The following RPRD1A variants were observed in gnomAD, a reference collection of about 807,000 sequenced individuals.
RPRD1A encodes regulation of nuclear pre-mRNA domain-containing protein 1A.
Under a neutral mutation model 37.8 loss-of-function variants are expected in RPRD1A, and 9 were observed. That is an observed-to-expected ratio of 0.24 (90% confidence interval 0.14 to 0.42). The LOEUF (loss-of-function observed/expected upper bound fraction) is 0.42, where lower values mean the gene tolerates loss of function less well. Ranked by LOEUF, RPRD1A falls within the 10% of genes least tolerant of loss-of-function variation. The pLI, the probability that RPRD1A is intolerant of heterozygous loss-of-function variation, is 1.00. For synonymous variants in RPRD1A, 138 were observed against 139.7 expected, an observed-to-expected ratio of 0.99 and a Z score of 0.08; for missense variants, 255 against 371.0, an observed-to-expected ratio of 0.69 and a Z score of 2.57.
At chr18:36,026,462 C>G (rs1261035458) in intron 6 of RPRD1A, 2 of 154,948 alleles carry the variant, frequency 1.3e-5, no homozygotes, top group Non-Finnish European at 2.9e-5. Context: ...GGGGCTGGAA[C>G]ATGTAAGCAT....
intron 6 of RPRD1A, among the ~76,000 whole-genome samples, chr18:36,003,641 T>C (rs1003452423): frequency 6.6e-6 from 1 of 152,194 alleles, no homozygotes; most frequent in Non-Finnish European, 1.5e-5. Flanking sequence ...TTCGTGTGCA[T>C]ATGTGCATTT....
intron 6 of RPRD1A, among the ~76,000 whole-genome samples, chr18:35,997,526 T>G (rs1598591988): frequency 6.6e-6 from 1 of 152,202 alleles, no homozygotes; most frequent in African/African-American, 2.4e-5. Context: ...AGCAATTTCT[T>G]TATATTGATT....
chr18:36,034,126 T>G lies in RPRD1A; in HGVS notation c.152-289A>C, dbSNP rs539858906. Among the ~76,000 whole-genome samples the G allele has an allele frequency of 1.1e-4, 17 of 152,312 alleles. No homozygotes were observed. In the East Asian group the frequency reaches 2.9e-3, roughly 26 times the overall value. ...TAGTCATTTAAAATAAGATGGTGAT[T>G]GCTCATGTTATTAAGATGGCACCCT... On this transcript the variant is annotated intron_variant, in intron 1 of 6. Transcript: ENST00000399022.
intron 1 of RPRD1A, among the ~76,000 whole-genome samples, chr18:36,063,477 A>G (rs919738350): frequency 9.9e-5 from 15 of 152,100 alleles, no homozygotes; most frequent in Admixed American, 3.9e-4. Context: ...TCATTCTTTT[A>G]TTTTAAACAG....
chr18:36,063,178 A>G (rs951547257), intron 1 of RPRD1A: 4 of 152,094 alleles, frequency 2.6e-5, no homozygotes, highest in African/African-American at 7.2e-5. Flanking sequence ...ATTCATTCTT[A>G]TATTTTTTTG....
chr18:36,061,690 T>TA (rs1568155640), intron 1 of RPRD1A, among the ~76,000 whole-genome samples: 1 of 152,206 alleles, frequency 6.6e-6, no homozygotes, highest in Non-Finnish European at 1.5e-5. Context: ...AGGACACTAT[T>TA]AAGAAAGTAA....
chr18:36,028,847 A>G (rs1911563024), intron 4 of RPRD1A, among the ~76,000 whole-genome samples: 1 of 152,234 alleles, frequency 6.6e-6, no homozygotes, highest in Admixed American at 6.5e-5. Context: ...ACAAAGAGCA[A>G]CAGCATTTTA....
At chr18:36,045,662 G>A (rs917981357) in intron 1 of RPRD1A, among the ~76,000 whole-genome samples, 8 of 152,126 alleles carry the variant, frequency 5.3e-5, no homozygotes, top group African/African-American at 1.9e-4. Flanking sequence ...TTAGACATTC[G>A]CAACTTTGCA....
At chr18:35,993,335 G>T (rs757680890) in intron 6 of RPRD1A, 35 bp from the exon 7 acceptor site, 2 of 1,609,296 alleles carry the variant, frequency 1.2e-6, no homozygotes, top group South Asian at 1.1e-5. Flanking sequence ...AGCATTCAGG[G>T]ATTGAAAAAA....
rs560924413 is a variant in RPRD1A, at chr18:35,992,209, C to T, written c.*942G>A. On this transcript the variant is annotated 3_prime_UTR_variant, in exon 7 of 7. Transcript: ENST00000399022. ...CTCAGGCTACTTTACTGAACATTAA[C>T]GAATATTGTGTTCTTGAGCTATTAG... 3.9e-5 allele frequency: 6 copies of T among 152,638 alleles called. No individual in the cohort carries two copies. The East Asian group carries it at 9.6e-4, about 25-fold the overall frequency. The allele number at this position is 152,638 out of a possible 1,614,324, so 9.5% of individuals were successfully genotyped here.
chr18:36,046,994 T>C (rs1913005836), intron 1 of RPRD1A, among the ~76,000 whole-genome samples: 2 of 151,906 alleles, frequency 1.3e-5, no homozygotes, highest in South Asian at 4.2e-4. Flanking sequence ...TAAAATGATC[T>C]TACAAAGACT....
At chr18:36,008,577 G>GTGTGTGTGTGTGTATA in intron 6 of RPRD1A, among the ~76,000 whole-genome samples, 2 of 47,802 alleles carry the variant, frequency 4.2e-5, no homozygotes, top group African/African-American at 6.8e-5. Context: ...CCTTGTGTGT[G>GTGTGTGTGTGTGTATA]TATATATATA....
chr18:36,002,229 C>G lies in RPRD1A; in HGVS notation c.790-8929G>C, dbSNP rs1034302648. On this transcript the variant is annotated intron_variant, in intron 6 of 6. Coordinates refer to ENST00000399022, the MANE Select transcript of RPRD1A (RefSeq NM_018170.5). ...TTCATTCTCTTGCTTTCCAGTATTC[C>G]AAGCCCATGTACATTATACCTTTCC... 6.9e-4 allele frequency among the ~76,000 whole-genome samples: 105 copies of G among 152,118 alleles called. 2 individuals carry two copies. Among genetic ancestry groups the G allele is most frequent in the African/African-American group, 2.4e-3 (101 of 41,414 alleles).
chr18:35,999,322 G>C (rs2144151868), intron 6 of RPRD1A, among the ~76,000 whole-genome samples: 1 of 152,162 alleles, frequency 6.6e-6, no homozygotes, highest in East Asian at 1.9e-4. Context: ...TTAAGTCTCA[G>C]ATGCCTCCTT....
chr18:36,030,170 A>T (rs1440029115), intron 4 of RPRD1A, among the ~76,000 whole-genome samples: 1 of 151,598 alleles, frequency 6.6e-6, no homozygotes. Context: ...TATGTCCAAG[A>T]ATGAAAATTT....
At chr18:35,997,989 C>G (rs938701395) in intron 6 of RPRD1A, among the ~76,000 whole-genome samples, 3 of 152,302 alleles carry the variant, frequency 2.0e-5, no homozygotes, top group African/African-American at 7.2e-5. Flanking sequence ...TTTTTAACAT[C>G]TTCATTCTAA....
intron 1 of RPRD1A, among the ~76,000 whole-genome samples, chr18:36,037,491 T>C (rs1003841290): frequency 3.9e-5 from 6 of 152,256 alleles, no homozygotes; most frequent in African/African-American, 1.4e-4. Flanking sequence ...ATTAAATCTC[T>C]TTCCTTTATA....
At chr18:36,060,283 A>G (rs2088881059) in intron 1 of RPRD1A, among the ~76,000 whole-genome samples, 1 of 152,088 alleles carries the variant, frequency 6.6e-6, no homozygotes, top group Non-Finnish European at 1.5e-5. Context: ...ATACAAAAAA[A>G]TTAGCCAGGC....
At chr18:35,997,279 C>A (rs551775404) in intron 6 of RPRD1A, among the ~76,000 whole-genome samples, 26 of 152,260 alleles carry the variant, frequency 1.7e-4, no homozygotes, top group Admixed American at 1.6e-3. Context: ...CATATCTCAA[C>A]TTTCACTACT....
Sources: allele counts gnomAD v4.1 joint callset (sites outside exome capture counted in the v4.1 genomes callset), GRCh38; gene constraint gnomAD v4.1.1; transcripts MANE v1.5; gene names NCBI Gene and HGNC (gene_info 2026-07-23, HGNC 2026-07-21).